Variants in FHIT observed in about 807,000 individuals in gnomAD.
The protein encoded by FHIT is bis(5'-adenosyl)-triphosphatase.
Under a neutral mutation model 17.9 loss-of-function variants are expected in FHIT, and 19 were observed. The observed-to-expected ratio is 1.06, with a 90% CI of 0.74 to 1.56. FHIT has a LOEUF of 1.56. Ranked by LOEUF, FHIT falls within the 40% of genes most tolerant of loss-of-function variation. The pLI is 0.00. For missense variants in FHIT, 248 were observed against 189.2 expected, an observed-to-expected ratio of 1.31 and a Z score of -1.82; for synonymous variants, 81 against 69.7, an observed-to-expected ratio of 1.16 and a Z score of -0.81.
At chr3:59,943,702 C>A (rs1706653192) in intron 7 of FHIT, among the ~76,000 whole-genome samples, 1 of 152,156 alleles carries the variant, frequency 6.6e-6, no homozygotes, top group African/African-American at 2.4e-5. Context: ...TTGACTCTAC[C>A]ATGGAAATTC....
At position 60,492,760 on chromosome 3, in the gene FHIT, C is replaced by G. The variant is rs571237778; in HGVS notation, c.103+44100G>C. Among the ~76,000 whole-genome samples, 916 of 152,208 alleles carry G rather than the reference C, an allele frequency of 6.0e-3. 5 individuals are homozygous for G. The highest frequency in any genetic ancestry group is 9.9e-3 in the Non-Finnish European group (672 of 68,018). On this transcript the variant is annotated intron_variant, in intron 5 of 9. Coordinates refer to ENST00000492590, the MANE Select transcript of FHIT (RefSeq NM_002012.4). ...GACCTCAGGTGATCCACCCGCCTCT[C>G]TCCCAATGACAGCAATTTTTTAGTT...
chr3:61,047,832 A>G (rs2033865932), intron 2 of FHIT, among the ~76,000 whole-genome samples: 1 of 138,016 alleles, frequency 7.2e-6, no homozygotes, highest in East Asian at 2.4e-4. Flanking sequence ...CACATCTACA[A>G]CCATCTGATC....
At chr3:60,541,880 C>G (rs1327825428) in intron 4 of FHIT, among the ~76,000 whole-genome samples, 1 of 152,178 alleles carries the variant, frequency 6.6e-6, no homozygotes, top group African/African-American at 2.4e-5. Flanking sequence ...TTAGCACAGG[C>G]TCTACTTGAT....
intron 4 of FHIT, among the ~76,000 whole-genome samples, chr3:60,793,888 C>T (rs746624177): frequency 6.6e-6 from 1 of 152,118 alleles, no homozygotes; most frequent in Non-Finnish European, 1.5e-5. Flanking sequence ...AGACCATTGC[C>T]GAAGCAGCCA....
intron 2 of FHIT, among the ~76,000 whole-genome samples, chr3:61,185,599 C>T (rs759903928): frequency 4.6e-5 from 7 of 152,278 alleles, no homozygotes; most frequent in Admixed American, 2.0e-4. Context: ...ACATCCACTT[C>T]GGTACTTTCT....
chr3:60,599,410 G>C (rs920447735), intron 4 of FHIT, among the ~76,000 whole-genome samples: 11 of 152,120 alleles, frequency 7.2e-5, no homozygotes, highest in African/African-American at 2.4e-4. Flanking sequence ...AGTGAGTTTT[G>C]CATGAAGGAT....
intron 8 of FHIT, among the ~76,000 whole-genome samples, chr3:59,804,933 G>C (rs976329472): frequency 8.5e-5 from 13 of 152,140 alleles, no homozygotes; most frequent in African/African-American, 2.9e-4. Flanking sequence ...GGGCTCTCTC[G>C]AGACAGGTAC....
intron 4 of FHIT, among the ~76,000 whole-genome samples, chr3:60,812,995 T>C (rs1274546036): frequency 2.0e-5 from 3 of 152,130 alleles, no homozygotes; most frequent in African/African-American, 7.2e-5. Context: ...CCAAAAATTA[T>C]GTTAAAATTT....
At chr3:60,789,441 C>G (rs1303513713) in intron 4 of FHIT, among the ~76,000 whole-genome samples, 2 of 152,124 alleles carry the variant, frequency 1.3e-5, no homozygotes, top group African/African-American at 4.8e-5. Context: ...TCACTTGAAC[C>G]CAGGAGACAG....
At chr3:60,144,626 T>A (rs564724144) in intron 5 of FHIT, among the ~76,000 whole-genome samples, 2 of 152,182 alleles carry the variant, frequency 1.3e-5, no homozygotes, top group East Asian at 1.9e-4. Flanking sequence ...ACATTATAAT[T>A]GTACATAATA....
At chr3:60,341,671 C>G (rs888311980) in intron 5 of FHIT, among the ~76,000 whole-genome samples, 3 of 152,058 alleles carry the variant, frequency 2.0e-5, no homozygotes, top group African/African-American at 7.2e-5. Context: ...TGTAGTCTCT[C>G]TGCTTTATAA....
At chr3:59,936,010 T>G (rs780965501) in intron 7 of FHIT, among the ~76,000 whole-genome samples, 3 of 152,156 alleles carry the variant, frequency 2.0e-5, no homozygotes, top group Non-Finnish European at 4.4e-5. Flanking sequence ...GTTCTTGTGT[T>G]TCTAGCCTCA....
At chr3:60,848,268 GTTC>G (rs1703002206) in intron 3 of FHIT, among the ~76,000 whole-genome samples, 1 of 152,092 alleles carries the variant, frequency 6.6e-6, no homozygotes, top group Non-Finnish European at 1.5e-5. Flanking sequence ...CTTAAGCACA[GTTC>G]TTCTACATTT....
intron 5 of FHIT, among the ~76,000 whole-genome samples, chr3:60,261,093 C>A (rs1240445723): frequency 2.6e-5 from 4 of 152,008 alleles, no homozygotes; most frequent in Non-Finnish European, 5.9e-5. Flanking sequence ...TTGAGCAGCC[C>A]AAACTGCTTT....
intron 3 of FHIT, among the ~76,000 whole-genome samples, chr3:60,879,557 G>C (rs1393712179): frequency 6.6e-6 from 1 of 152,052 alleles, no homozygotes; most frequent in African/African-American, 2.4e-5. Context: ...TAACTCCCTA[G>C]TAACAAACCC....
chr3:60,821,566 A>G (rs188368799), intron 4 of FHIT, among the ~76,000 whole-genome samples: 52 of 152,338 alleles, frequency 3.4e-4, no homozygotes, highest in African/African-American at 1.2e-3. Context: ...TTTACACGTA[A>G]AAATTATTAA....
At chr3:61,035,695 T>C (rs2033205266) in intron 3 of FHIT, among the ~76,000 whole-genome samples, 1 of 152,166 alleles carries the variant, frequency 6.6e-6, no homozygotes, top group South Asian at 2.1e-4. Flanking sequence ...TTCCTGAGGG[T>C]TTAAAATTCC....
intron 5 of FHIT, among the ~76,000 whole-genome samples, chr3:60,123,991 TATATATATATATATATATAG>T (rs1559653437): frequency 6.2e-5 from 3 of 48,714 alleles, no homozygotes; most frequent in East Asian, 5.6e-4. Flanking sequence ...TATATATATA[TATATATATATATATATATAG>T]AGAGAGAGAG....
intron 5 of FHIT, among the ~76,000 whole-genome samples, chr3:60,170,989 C>G (rs1378094943): frequency 6.6e-6 from 1 of 152,082 alleles, no homozygotes; most frequent in Non-Finnish European, 1.5e-5. Context: ...TTGGGGAGAA[C>G]TGGAGGCCTA....
Sources: gnomAD v4.1 joint callset for allele counts (sites outside exome capture counted in the v4.1 genomes callset) on GRCh38, gnomAD v4.1.1 for gene constraint, MANE v1.5 for transcripts, NCBI Gene and HGNC (gene_info 2026-07-23, HGNC 2026-07-21) for gene names.